The following TLN2 variants were observed in gnomAD, a reference collection of about 807,000 sequenced individuals.
TLN2 encodes the protein talin 2.
TLN2 carries 118 observed loss-of-function variants against 294.7 expected under a neutral mutation model. The ratio of observed to expected loss-of-function variants is 0.40; its 90% CI spans 0.34 to 0.47. The LOEUF (loss-of-function observed/expected upper bound fraction) is 0.47. Ranked by LOEUF, TLN2 falls within the 20% of genes least tolerant of loss-of-function variation. TLN2 has a pLI of 0.84. For synonymous variants in TLN2, 1,431 were observed against 1,304.5 expected (o/e 1.10, Z -2.09); for missense variants, 3,083 against 3,282.2 (o/e 0.94, Z 1.48).
chr15:62,401,462 A>C (rs1168890933), intron 1 of TLN2, among the ~76,000 whole-genome samples: 1 of 152,116 alleles, frequency 6.6e-6, no homozygotes, highest in Non-Finnish European at 1.5e-5. Context: ...TGGAAGGGAA[A>C]TTGTCATGAA....
intron 3 of TLN2, among the ~76,000 whole-genome samples, chr15:62,619,595 C>G (rs2048602562): frequency 6.6e-6 from 1 of 152,104 alleles, no homozygotes; most frequent in Non-Finnish European, 1.5e-5. Flanking sequence ...GCAGATGTAA[C>G]TAGTTAAGAA....
chr15:62,717,739 A>G (rs2059875015), intron 24 of TLN2, 50 bp downstream of exon 24: 1 of 1,311,928 alleles, frequency 7.6e-7, no homozygotes, highest in Non-Finnish European at 1.0e-6. Context: ...TGACCCTGAT[A>G]ACATTAGAAC....
Position 62,484,449 on chromosome 15 carries a change from G to A in TLN2, c.-238+93764G>A, listed in dbSNP as rs553001365. ...GTTTTTTTTTTCTTTTTTTTGAGAC[G>A]GAGTCTTGCCCTGTGGCTCAGGCTG... On this transcript the variant is annotated intron_variant, in intron 1 of 58. Coordinates refer to ENST00000636159, the MANE Select transcript of TLN2 (RefSeq NM_015059.3). Among the ~76,000 whole-genome samples, 8 of 151,444 alleles carry A rather than the reference G, an allele frequency of 5.3e-5. No individual in the cohort carries two copies. The South Asian group carries it at 6.3e-4, about 12-fold the overall frequency.
intron 1 of TLN2, among the ~76,000 whole-genome samples, chr15:62,415,970 A>G (rs2034057261): frequency 6.6e-6 from 1 of 152,226 alleles, no homozygotes; most frequent in African/African-American, 2.4e-5. Context: ...GGAAGTTGGG[A>G]TGATTCTGTG....
chr15:62,627,590 T>C (rs2049393599), intron 3 of TLN2, among the ~76,000 whole-genome samples: 1 of 152,248 alleles, frequency 6.6e-6, no homozygotes, highest in African/African-American at 2.4e-5. Context: ...TGAACTGCTG[T>C]GTGTGAGACA....
intron 1 of TLN2, among the ~76,000 whole-genome samples, chr15:62,581,043 C>G (rs545207336): frequency 2.0e-5 from 3 of 151,932 alleles, no homozygotes; most frequent in African/African-American, 7.3e-5. Context: ...ACCACCATGC[C>G]CGGCTAATTT....
chr15:62,698,904 G>C, intron 16 of TLN2, 37 bp downstream of exon 16: 1 of 1,584,004 alleles, frequency 6.3e-7, no homozygotes, highest in Non-Finnish European at 8.6e-7. Flanking sequence ...CCAAGTCTCT[G>C]CCCTGGCAGA....
chr15:62,516,009 G>A (rs1019076134), intron 1 of TLN2, among the ~76,000 whole-genome samples: 2 of 152,162 alleles, frequency 1.3e-5, no homozygotes, highest in African/African-American at 4.8e-5. Context: ...AGGACTCGAA[G>A]GGAGCCAATC....
intron 1 of TLN2, among the ~76,000 whole-genome samples, chr15:62,441,877 T>TGTAGGTTCGTA (rs1271756163): frequency 6.6e-6 from 1 of 151,410 alleles, no homozygotes; most frequent in Non-Finnish European, 1.5e-5. Flanking sequence ...TTGTGGCGGG[T>TGTAGGTTCGTA]GGTGTGCCCC....
rs116912018 is a variant in TLN2, at chr15:62,745,743, T to C, written c.4026-2608T>C. Among the ~76,000 whole-genome samples, 7 of 152,364 alleles carry C rather than the reference T, an allele frequency of 4.6e-5. No individual in the cohort carries two copies. In the East Asian group the frequency reaches 1.3e-3, roughly 29 times the overall value. ...ATTTGAGTTGCTCCGTATTCTTTGCTCTTATAAATAGCTGCTGGGGTTTAA... is the reference window on the plus strand; with the variant it reads ...ATTTGAGTTGCTCCGTATTCTTTGCCCTTATAAATAGCTGCTGGGGTTTAA... On this transcript the variant is annotated intron_variant, in intron 32 of 58. Coordinates refer to ENST00000636159, the MANE Select transcript of TLN2 (RefSeq NM_015059.3).
chr15:62,833,793 C>T, intron 55 of TLN2, 164 bp downstream of exon 55: 1 of 911,932 alleles, frequency 1.1e-6, no homozygotes, highest in Non-Finnish European at 1.6e-6. Flanking sequence ...CTACAGCCTT[C>T]AGACCAACAG....
At chr15:62,707,701 A>G (rs2059154572) in intron 20 of TLN2, among the ~76,000 whole-genome samples, 2 of 152,202 alleles carry the variant, frequency 1.3e-5, no homozygotes, top group South Asian at 2.1e-4. Flanking sequence ...TCACCTCATT[A>G]CATCTCCCCG....
chr15:62,531,058 AC>A (rs994129968), intron 1 of TLN2, among the ~76,000 whole-genome samples: 1 of 152,106 alleles, frequency 6.6e-6, no homozygotes, highest in Non-Finnish European at 1.5e-5. Flanking sequence ...TTAGATTTAG[AC>A]CCAGTATTCC....
intron 23 of TLN2, 48 bp downstream of exon 23, chr15:62,716,507 G>T: frequency 6.4e-7 from 1 of 1,550,414 alleles, no homozygotes; most frequent in Non-Finnish European, 8.7e-7. Context: ...AAATTGCAAA[G>T]AGTTATTTGA....
chr15:62,582,147 G>A (rs568089245), intron 1 of TLN2, among the ~76,000 whole-genome samples: 2 of 147,336 alleles, frequency 1.4e-5, no homozygotes, highest in East Asian at 4.1e-4. Context: ...GTCCCAGGGA[G>A]AATGATCATA....
chr15:62,540,968 G>C (rs1232192989), intron 1 of TLN2, among the ~76,000 whole-genome samples: 1 of 152,128 alleles, frequency 6.6e-6, no homozygotes, highest in African/African-American at 2.4e-5. Flanking sequence ...TCTGGTCCCT[G>C]CTCATGACAG....
intron 21 of TLN2, among the ~76,000 whole-genome samples, chr15:62,711,512 AATTCTTCAAAAAGTTTATT>A (rs1328291338): frequency 2.0e-5 from 3 of 152,258 alleles, no homozygotes; most frequent in Non-Finnish European, 4.4e-5. Flanking sequence ...GTTCTGTGCC[AATTCTTCAAAAAGTTTATT>A]ATAGACGCTT....
At chr15:62,449,271 T>A (rs1452686562) in intron 1 of TLN2, among the ~76,000 whole-genome samples, 1 of 152,108 alleles carries the variant, frequency 6.6e-6, no homozygotes, top group Non-Finnish European at 1.5e-5. Context: ...GCGTAGGTCT[T>A]GAAAAGTCTT....
At chr15:62,761,428 C>G (rs182261536) in intron 37 of TLN2, among the ~76,000 whole-genome samples, 1 of 152,252 alleles carries the variant, frequency 6.6e-6, no homozygotes, top group Admixed American at 6.5e-5. Flanking sequence ...TCTCTGCTTC[C>G]TGGGAGTGGA....
Sources: gnomAD v4.1 joint callset for allele counts (sites outside exome capture counted in the v4.1 genomes callset) on GRCh38, gnomAD v4.1.1 for gene constraint, MANE v1.5 for transcripts, NCBI Gene and HGNC (gene_info 2026-07-23, HGNC 2026-07-21) for gene names.